Variants in MBTPS1 observed in about 807,000 individuals in gnomAD.
MBTPS1 encodes the protein membrane bound transcription factor peptidase, site 1.
In MBTPS1, 94 loss-of-function variants were observed where a neutral mutation model predicts 127.8. The observed-to-expected ratio is 0.74, with a 90% CI of 0.62 to 0.87. MBTPS1 has a LOEUF of 0.87. MBTPS1 is among the 40% of genes least tolerant of loss of function. The pLI is 0.00. For missense variants in MBTPS1, 1,636 were observed against 1,353.2 expected (o/e 1.21, Z -3.28); for synonymous variants, 632 against 509.4 (o/e 1.24, Z -3.24).
chr16:84,064,551 C>T (rs948775275), intron 18 of MBTPS1, among the ~76,000 whole-genome samples: 1 of 152,130 alleles, frequency 6.6e-6, no homozygotes. Flanking sequence ...CTAAAGAAAG[C>T]ACATATCCTT....
chr16:84,084,793 C>T (rs2085995765), intron 10 of MBTPS1, among the ~76,000 whole-genome samples, 190 bp downstream of exon 10: 1 of 152,244 alleles, frequency 6.6e-6, no homozygotes, highest in Non-Finnish European at 1.5e-5. Context: ...ACATTCACTT[C>T]ATCTAACTAT....
chr16:84,063,195 G>T, intron 19 of MBTPS1, 110 bp downstream of exon 19: 1 of 1,175,006 alleles, frequency 8.5e-7, no homozygotes, highest in South Asian at 1.5e-5. Context: ...CCTGGCTCAA[G>T]TGAACAGATG....
At chr16:84,078,799 T>C (rs1047791939) in intron 11 of MBTPS1, among the ~76,000 whole-genome samples, 46 of 152,318 alleles carry the variant, frequency 3.0e-4, no homozygotes, top group Non-Finnish European at 5.7e-4. Context: ...TCCACAGCGA[T>C]GCTATCCTTC....
chr16:84,064,308 A>AT (rs555024730), intron 18 of MBTPS1, among the ~76,000 whole-genome samples: 2 of 152,196 alleles, frequency 1.3e-5, no homozygotes, highest in Admixed American at 6.5e-5. Flanking sequence ...AAAATAGGCC[A>AT]TTCTTTGGAA....
intron 3 of MBTPS1, among the ~76,000 whole-genome samples, chr16:84,098,340 G>C (rs1271819878): frequency 2.6e-5 from 4 of 152,200 alleles, no homozygotes. Context: ...GCTGGGTGCA[G>C]TGACTCACGC....
chr16:84,113,829 A>G (rs1469482374), intron 1 of MBTPS1, among the ~76,000 whole-genome samples: 1 of 152,236 alleles, frequency 6.6e-6, no homozygotes, highest in African/African-American at 2.4e-5. Context: ...ATCCAGTCCA[A>G]TTAAAAGTCG....
intron 14 of MBTPS1, among the ~76,000 whole-genome samples, chr16:84,068,852 G>T (rs1046035365): frequency 6.6e-6 from 1 of 152,206 alleles, no homozygotes; most frequent in Non-Finnish European, 1.5e-5. Flanking sequence ...CAGGGCCACG[G>T]TGCTAAGACA....
At chr16:84,111,024 T>A (rs34494585) in intron 1 of MBTPS1, among the ~76,000 whole-genome samples, 1 of 152,046 alleles carries the variant, frequency 6.6e-6, no homozygotes, top group Non-Finnish European at 1.5e-5. Context: ...TGCAGTAGGC[T>A]GAAAAATGGT....
At chr16:84,099,339 A>G in intron 2 of MBTPS1, 29 bp from the exon 3 acceptor site, 2 of 1,606,442 alleles carry the variant, frequency 1.2e-6, no homozygotes, top group Non-Finnish European at 8.5e-7. Context: ...AACAAAAATA[A>G]GATTTACGCA....
chr16:84,085,224 T>C (rs2086003212), intron 9 of MBTPS1, 90 bp from the exon 10 acceptor site: 3 of 1,304,808 alleles, frequency 2.3e-6, no homozygotes, highest in South Asian at 1.3e-5. Context: ...AACAGAGATA[T>C]GGGTTAGTTA....
intron 17 of MBTPS1, among the ~76,000 whole-genome samples, chr16:84,066,018 C>G (rs1210614048): frequency 3.3e-5 from 5 of 152,118 alleles, no homozygotes; most frequent in Non-Finnish European, 4.4e-5. Context: ...ATACTATTAA[C>G]ATTAGGTTTC....
chr16:84,094,076 T>C (rs988798251), intron 4 of MBTPS1, among the ~76,000 whole-genome samples: 1 of 152,126 alleles, frequency 6.6e-6, no homozygotes, highest in Admixed American at 6.6e-5. Context: ...AAAATCCTTC[T>C]AGACCCTCCT....
chr16:84,104,830 C>G (rs572645676), intron 1 of MBTPS1, among the ~76,000 whole-genome samples: 51 of 152,100 alleles, frequency 3.4e-4, no homozygotes, highest in African/African-American at 1.2e-3. Flanking sequence ...TGTGATTCCA[C>G]TTTAGGAGGC....
At chr16:84,061,672 T>G (rs1353347931) in intron 19 of MBTPS1, 1 of 149,532 alleles carries the variant, frequency 6.7e-6, no homozygotes, top group East Asian at 1.9e-4. Context: ...CCACTGGAAG[T>G]GTGACAGCAG....
intron 8 of MBTPS1, among the ~76,000 whole-genome samples, chr16:84,089,944 G>C (rs888536047): frequency 2.0e-5 from 3 of 152,188 alleles, no homozygotes; most frequent in African/African-American, 4.8e-5. Flanking sequence ...GCTATAGCGA[G>C]GGTATGTTCA....
At position 84,085,020 on chromosome 16, in the gene MBTPS1, AAGCAACACTGGT is replaced by A; in HGVS notation, c.1237_1248del (p.Thr413_Ala416del). The A allele has an allele frequency of 1.2e-6, 2 of 1,614,126 alleles. No individual in the cohort carries two copies. Among genetic ancestry groups the A allele is most frequent in the Non-Finnish European group, 1.7e-6 (2 of 1,180,028 alleles). ...GTGACAGCACCTGCAACCACTGGAG[AAGCAACACTGGT>A]CCCTGAGAGGGCCCGGCACCCCCCT... On this transcript the variant is annotated inframe_deletion, in exon 10 of 23. Coordinates refer to ENST00000343411, the MANE Select transcript of MBTPS1 (RefSeq NM_003791.4).
chr16:84,056,759 A>C (rs7205717), intron 21 of MBTPS1: 92,494 of 152,214 alleles, frequency 0.61, 28,514 homozygotes, highest in Non-Finnish European at 0.65. Context: ...AACGTGTGCG[A>C]TTCCTGCACT....
chr16:84,116,044 G>T (rs2086471664), intron 1 of MBTPS1, among the ~76,000 whole-genome samples: 1 of 152,066 alleles, frequency 6.6e-6, no homozygotes, highest in Admixed American at 6.6e-5. Flanking sequence ...TACCTACACA[G>T]TTCAGACTAA....
chr16:84,062,972 A>G (rs883635), intron 19 of MBTPS1, among the ~76,000 whole-genome samples: 35,070 of 152,202 alleles, frequency 0.23, 4,258 homozygotes, highest in South Asian at 0.28. Context: ...CGGCGTAGGA[A>G]GCCTGGGAGG....
Sources: gnomAD v4.1 joint callset for allele counts (sites outside exome capture counted in the v4.1 genomes callset) on GRCh38, gnomAD v4.1.1 for gene constraint, MANE v1.5 for transcripts, NCBI Gene and HGNC (gene_info 2026-07-23, HGNC 2026-07-21) for gene names.